Variants in KANK1 observed in about 807,000 individuals in gnomAD.
KANK1 encodes the protein KN motif and ankyrin repeat domains 1, also known as KN motif and ankyrin repeat domain-containing protein 1.
Under a neutral mutation model 106.2 loss-of-function variants are expected in KANK1, and 109 were observed. The observed-to-expected ratio is 1.03, with a 90% CI of 0.88 to 1.20. The LOEUF (loss-of-function observed/expected upper bound fraction) is 1.20, where lower values mean the gene tolerates loss of function less well. Ranked by LOEUF, KANK1 falls within the 50% of genes most tolerant of loss-of-function variation. The pLI, the probability that KANK1 is intolerant of heterozygous loss-of-function variation, is 0.00. For synonymous variants in KANK1, 873 were observed against 652.2 expected (o/e 1.34, Z -5.16); for missense variants, 2,399 against 1,710.7 (o/e 1.40, Z -7.10).
chr9:476,207 T>C (rs2058099687), intron 3 of KANK1, among the ~76,000 whole-genome samples: 1 of 151,258 alleles, frequency 6.6e-6, no homozygotes, highest in Admixed American at 6.6e-5. Context: ...CTCCACAGTA[T>C]TAGCCAAACA....
intron 1 of KANK1, among the ~76,000 whole-genome samples, chr9:675,283 T>C (rs1816166068): frequency 6.6e-6 from 1 of 152,164 alleles, no homozygotes; most frequent in South Asian, 2.1e-4. Context: ...TATACAGATA[T>C]TATTTTGGCA....
At chr9:679,316 A>G (rs1050370841) in intron 2 of KANK1, among the ~76,000 whole-genome samples, 2 of 152,180 alleles carry the variant, frequency 1.3e-5, no homozygotes, top group Non-Finnish European at 2.9e-5. Flanking sequence ...ATATGTGTGT[A>G]TGTGTCTGTA....
intron 2 of KANK1, 100 bp downstream of exon 2, chr9:677,109 G>C (rs1563972070): frequency 2.8e-6 from 3 of 1,076,076 alleles, no homozygotes; most frequent in South Asian, 1.5e-5. Context: ...AAGTTGCCTA[G>C]ATAACTAGGA....
At chr9:687,511 C>T (rs866252002) in intron 2 of KANK1, among the ~76,000 whole-genome samples, 6 of 152,164 alleles carry the variant, frequency 3.9e-5, no homozygotes, top group Admixed American at 6.5e-5. Context: ...TACCGGAGGT[C>T]CATGACTACA....
chr9:717,377 G>A (rs891135021), intron 3 of KANK1, among the ~76,000 whole-genome samples: 11 of 152,172 alleles, frequency 7.2e-5, no homozygotes, highest in Non-Finnish European at 1.3e-4. Flanking sequence ...GTGGTAGCCC[G>A]CGTGTGTTTG....
At chr9:673,200 CTTTTTT>C (rs542647158) in intron 1 of KANK1, among the ~76,000 whole-genome samples, 3 of 97,832 alleles carry the variant, frequency 3.1e-5, no homozygotes, top group Non-Finnish European at 4.4e-5. Context: ...ACAGTGTCTT[CTTTTTT>C]TTTTTTTTTT....
At chr9:581,041 C>T (rs553126434) in intron 1 of KANK1, among the ~76,000 whole-genome samples, 100 of 151,992 alleles carry the variant, frequency 6.6e-4, no homozygotes, top group African/African-American at 2.2e-3. Flanking sequence ...GCCCAGGGGC[C>T]GGCCGCTCCA....
chr9:614,534 C>T (rs886927790), intron 1 of KANK1, among the ~76,000 whole-genome samples: 2 of 152,126 alleles, frequency 1.3e-5, no homozygotes, highest in Non-Finnish European at 2.9e-5. Flanking sequence ...AACAGTTGTG[C>T]TGCTGGTGTT....
intron 2 of KANK1, among the ~76,000 whole-genome samples, chr9:682,999 G>T (rs1032522793): frequency 6.6e-6 from 1 of 152,132 alleles, no homozygotes; most frequent in African/African-American, 2.4e-5. Context: ...CAGGAATTAC[G>T]TGCTATTTGT....
In KANK1 at chr9:712,617, G is replaced by T. The variant is rs369123187; in HGVS notation, c.1851G>T (p.Lys617Asn). ...CTGTGAACGACCTCACACTCCTCAA[G>T]ACAAACTTGAATCTCAAAGAAGTGC... The part of the protein sequence containing the change: ...EESVNDLTLL[K>N]TNLNLKEVRS... The change falls in exon 3 of 12, where the codon AAG (lysine) becomes AAT (asparagine). Residue 617 changes from lysine to asparagine, a missense_variant. By Grantham distance (94) the Lys-to-Asn change is moderately conservative. Coordinates refer to ENST00000382297, the MANE Select transcript of KANK1 (RefSeq NM_015158.5). The T allele has an allele frequency of 6.2e-7, 1 of 1,614,192 alleles. No individual in the cohort carries two copies. The highest frequency in any genetic ancestry group is 2.2e-5 in the East Asian group (1 of 44,878).
At chr9:701,190 C>A (rs1337936935) in intron 2 of KANK1, among the ~76,000 whole-genome samples, 1 of 152,090 alleles carries the variant, frequency 6.6e-6, no homozygotes, top group African/African-American at 2.4e-5. Flanking sequence ...CTTGGCTCAC[C>A]ACAACCTCTG....
chr9:490,093 G>A (rs1245246108), intron 3 of KANK1, among the ~76,000 whole-genome samples: 1 of 152,136 alleles, frequency 6.6e-6, no homozygotes, highest in Non-Finnish European at 1.5e-5. Context: ...GCTATTACTT[G>A]GCCAGCGGAA....
intron 2 of KANK1, among the ~76,000 whole-genome samples, chr9:705,436 A>C (rs1823824724): frequency 6.6e-6 from 1 of 152,152 alleles, no homozygotes; most frequent in East Asian, 1.9e-4. Context: ...CAGTGAGCCA[A>C]GATGGCGCCA....
intron 2 of KANK1, among the ~76,000 whole-genome samples, chr9:700,122 C>T (rs1198074039): frequency 1.3e-5 from 2 of 152,168 alleles, no homozygotes; most frequent in Non-Finnish European, 2.9e-5. Context: ...GTGGCAGGTG[C>T]CCATCATTTG....
chr9:508,163 A>G lies in KANK1; in HGVS notation c.-84+3409A>G, dbSNP rs1482115228. Reference sequence around the variant, plus strand: ...TTTTTTTTTTTTTTTTTTGAGATGGAGTTTCTTTCTTGTTGCCCAGGCTGG... The same window carrying G: ...TTTTTTTTTTTTTTTTTTGAGATGGGGTTTCTTTCTTGTTGCCCAGGCTGG... On this transcript the variant is annotated intron_variant, in intron 1 of 11. Coordinates refer to ENST00000382297, the MANE Select transcript of KANK1 (RefSeq NM_015158.5). 1.9e-3 allele frequency among the ~76,000 whole-genome samples: 88 copies of G among 45,488 alleles called. 1 individual carries two copies. Among genetic ancestry groups the G allele is most frequent in the African/African-American group, 6.7e-3 (67 of 10,052 alleles). The allele number at this position is 45,488 out of a possible 152,430, so 29.8% of individuals were successfully genotyped here. A position where few individuals can be genotyped will look rare whatever the true frequency, so the allele number is the denominator to read the frequency against.
At chr9:530,290 G>A (rs575672178) in intron 1 of KANK1, among the ~76,000 whole-genome samples, 68 of 152,204 alleles carry the variant, frequency 4.5e-4, no homozygotes, top group South Asian at 1.0e-3. Flanking sequence ...AGAAAAAGGC[G>A]TTCCCCATCT....
At chr9:476,412 TCGC>T (rs2058104170) in intron 3 of KANK1, among the ~76,000 whole-genome samples, 1 of 151,606 alleles carries the variant, frequency 6.6e-6, no homozygotes, top group Non-Finnish European at 1.5e-5. Context: ...TCCCAGCTAC[TCGC>T]GAGGCTGAGG....
chr9:576,543 T>C (rs969477371), intron 1 of KANK1, among the ~76,000 whole-genome samples: 2 of 152,230 alleles, frequency 1.3e-5, no homozygotes, highest in African/African-American at 4.8e-5. Flanking sequence ...ATTTTCTAGT[T>C]GTAATCTCAG....
In KANK1 at chr9:713,334, C is replaced by T. The variant is rs1826737234; in HGVS notation, c.2568C>T (p.His856=). 6.2e-7 allele frequency: 1 copy of T among 1,614,070 alleles called. No individual in the cohort carries two copies. Among genetic ancestry groups the T allele is most frequent in the Non-Finnish European group, 8.5e-7 (1 of 1,180,032 alleles). The change falls in exon 3 of 12, where the codon CAC becomes CAT. Residue 856 remains histidine (H), a synonymous_variant. Coordinates refer to ENST00000382297, the MANE Select transcript of KANK1 (RefSeq NM_015158.5). ...SELAEAFGEP[H]SQMGSLNSQL... ...TGGCAGAAGCTTTCGGGGAACCTCA[C>T]TCACAGATGGGCTCCCTCAACTCTC...
Sources: allele counts gnomAD v4.1 joint callset (sites outside exome capture counted in the v4.1 genomes callset), GRCh38; gene constraint gnomAD v4.1.1; transcripts MANE v1.5; gene names NCBI Gene and HGNC (gene_info 2026-07-23, HGNC 2026-07-21).